Variants in PHEX observed in about 807,000 individuals in gnomAD.
PHEX encodes the protein phosphate regulating endopeptidase X-linked.
A neutral mutation model predicts 68.0 loss-of-function variants in PHEX; 16 were observed. That is an observed-to-expected ratio of 0.24 (90% confidence interval 0.16 to 0.36). The LOEUF (loss-of-function observed/expected upper bound fraction) is 0.36. Among genes scored for constraint, PHEX ranks in the 10% least tolerant of loss-of-function variants. The pLI is 1.00. For missense variants in PHEX, 480 were observed against 575.5 expected (o/e 0.83, Z 1.70); for synonymous variants, 208 against 205.1 (o/e 1.01, Z -0.12).
intron 16 of PHEX, among the ~76,000 whole-genome samples, chrX:22,214,893 T>C (rs1274172758): frequency 8.9e-6 from 1 of 112,141 alleles, no homozygotes; most frequent in Non-Finnish European, 1.9e-5. Flanking sequence ...CTCAGCTCCA[T>C]AGTTTTCTTT....
intron 20 of PHEX, among the ~76,000 whole-genome samples, chrX:22,233,276 G>A (rs958489685): frequency 2.8e-4 from 31 of 110,793 alleles, no homozygotes; most frequent in Non-Finnish European, 1.5e-4. Context: ...TGAATCTGAC[G>A]ATTATGTGTC....
At chrX:22,113,367 A>G (rs1010604551) in intron 10 of PHEX, among the ~76,000 whole-genome samples, 6 of 111,391 alleles carry the variant, frequency 5.4e-5, no homozygotes, top group Non-Finnish European at 1.1e-4. Context: ...TGGGTCTAAC[A>G]TTGTGCAAAG....
At position 22,206,665 on chromosome X, in the gene PHEX, T is replaced by C. The variant is rs146019519; in HGVS notation, c.1646-6239T>C. On this transcript the variant is annotated intron_variant, in intron 15 of 21. Coordinates refer to ENST00000379374, the MANE Select transcript of PHEX (RefSeq NM_000444.6). ...ACATACCTGAAGCGAGCCATACAGA[T>C]AGTGGCGGAAAGTAGGTTCTAGGTT... 5.3e-3 allele frequency among the ~76,000 whole-genome samples: 587 copies of C among 110,846 alleles called. 2 individuals are homozygous for C. The highest frequency in any genetic ancestry group is 0.017 in the African/African-American group (525 of 30,536).
At position 22,049,089 on chromosome X, in the gene PHEX, A is replaced by G. The variant is rs764658119; in HGVS notation, c.349+1878A>G. Reference sequence around the variant, plus strand: ...TATGCATTCCTCATAGACATAGATTATGTCAGTAGATAACTTTTCTTTTCT... The same window carrying G: ...TATGCATTCCTCATAGACATAGATTGTGTCAGTAGATAACTTTTCTTTTCT... On this transcript the variant is annotated intron_variant, in intron 3 of 21. Transcript: ENST00000379374. Among the ~76,000 whole-genome samples the G allele has an allele frequency of 9.2e-4, 103 of 112,277 alleles. No individual in the cohort carries two copies. In the Middle Eastern group the frequency reaches 0.014, roughly 15 times the overall value.
intron 9 of PHEX, among the ~76,000 whole-genome samples, chrX:22,107,536 C>G (rs1930757295): frequency 8.9e-6 from 1 of 111,905 alleles, no homozygotes; most frequent in Admixed American, 9.5e-5. Flanking sequence ...GTGTGGCTGG[C>G]CTTTCTGCCC....
At position 22,250,799 on chromosome X, in the gene PHEX, T is replaced by G. The variant is rs1936545925; in HGVS notation, c.*2846T>G. ...ATTTAGTGCCTTGCCTCAATGGAGC[T>G]TAAAGCATAGCACATAAATTTTATC... On this transcript the variant is annotated 3_prime_UTR_variant, in exon 22 of 22. Transcript: ENST00000379374. 8.9e-6 allele frequency: 1 copy of G among 111,932 alleles called. No individual in the cohort carries two copies. Among genetic ancestry groups the G allele is most frequent in the African/African-American group, 3.2e-5 (1 of 30,803 alleles). The allele number at this position is 111,932 out of a possible 1,213,427, so 9.2% of individuals were successfully genotyped here. A position where few individuals can be genotyped will look rare whatever the true frequency, so the allele number is the denominator to read the frequency against.
intron 3 of PHEX, among the ~76,000 whole-genome samples, chrX:22,075,879 A>G (rs775796954): frequency 1.5e-4 from 17 of 111,569 alleles, no homozygotes; most frequent in African/African-American, 5.2e-4. Flanking sequence ...AACTTCTTCC[A>G]TGTCCACAGC....
chrX:22,033,707 A>G (rs1327888856), intron 1 of PHEX, among the ~76,000 whole-genome samples: 9 of 112,175 alleles, frequency 8.0e-5, no homozygotes. Context: ...CCAAGATTTG[A>G]AAGATATTGT....
At chrX:22,231,972 TTGTTCTCAC>T (rs1935760613) in intron 20 of PHEX, among the ~76,000 whole-genome samples, 1 of 112,022 alleles carries the variant, frequency 8.9e-6, no homozygotes, top group East Asian at 2.8e-4. Flanking sequence ...CATTGTGTCT[TTGTTCTCAC>T]TGGTTTCAAA....
intron 11 of PHEX, among the ~76,000 whole-genome samples, chrX:22,120,395 G>T (rs1188105042): frequency 9.0e-6 from 1 of 111,537 alleles, no homozygotes; most frequent in East Asian, 2.8e-4. Context: ...AACCTTCTTA[G>T]TGGCTTATCT....
At chrX:22,134,004 C>T (rs1316534839) in intron 12 of PHEX, among the ~76,000 whole-genome samples, 2 of 111,542 alleles carry the variant, frequency 1.8e-5, no homozygotes, top group East Asian at 2.8e-4. Flanking sequence ...GACACCAAAA[C>T]GAAGAAAACC....
intron 15 of PHEX, among the ~76,000 whole-genome samples, chrX:22,211,578 C>T (rs1393811133): frequency 8.9e-6 from 1 of 112,266 alleles, no homozygotes; most frequent in African/African-American, 3.2e-5. Context: ...CTGAACAAAA[C>T]TCAACTGTTT....
chrX:22,122,969 G>T (rs985252475), intron 11 of PHEX, among the ~76,000 whole-genome samples: 11 of 106,938 alleles, frequency 1.0e-4, no homozygotes, highest in Non-Finnish European at 1.3e-4. Context: ...TACAGACTAG[G>T]GAGATAGGGT....
At chrX:22,072,420 G>A (rs11798644) in intron 3 of PHEX, among the ~76,000 whole-genome samples, 5 of 110,409 alleles carry the variant, frequency 4.5e-5, no homozygotes, top group Non-Finnish European at 5.7e-5. Context: ...CAAAAAAAAA[G>A]AAAAATAAAA....
intron 12 of PHEX, among the ~76,000 whole-genome samples, chrX:22,154,264 A>G (rs936085647): frequency 8.9e-6 from 1 of 111,985 alleles, no homozygotes; most frequent in East Asian, 2.8e-4. Flanking sequence ...AGTGGTGACT[A>G]TTAGTGAAAT....
intron 3 of PHEX, among the ~76,000 whole-genome samples, chrX:22,072,089 A>C (rs1317456932): frequency 8.9e-6 from 1 of 112,758 alleles, no homozygotes; most frequent in Admixed American, 9.4e-5. Context: ...TTAGCTGGGC[A>C]TGGTGGCGCA....
At chrX:22,140,858 T>TC (rs1341718255) in intron 12 of PHEX, among the ~76,000 whole-genome samples, 1 of 111,459 alleles carries the variant, frequency 9.0e-6, no homozygotes, top group East Asian at 2.8e-4. Context: ...GACTGGATGT[T>TC]CTAAATGCTT....
chrX:22,110,811 T>C (rs1255866381), intron 9 of PHEX, among the ~76,000 whole-genome samples: 1 of 112,183 alleles, frequency 8.9e-6, no homozygotes. Flanking sequence ...GTTATTCTAG[T>C]TCAGGGTTGC....
chrX:22,247,440 G>A (rs1936422313), intron 21 of PHEX, among the ~76,000 whole-genome samples: 1 of 111,946 alleles, frequency 8.9e-6, no homozygotes, highest in South Asian at 3.7e-4. Flanking sequence ...ACAGGCAGGA[G>A]CCTTCTGGGT....
Sources: gnomAD v4.1 joint callset for allele counts (sites outside exome capture counted in the v4.1 genomes callset) on GRCh38, gnomAD v4.1.1 for gene constraint, MANE v1.5 for transcripts, NCBI Gene and HGNC (gene_info 2026-07-23, HGNC 2026-07-21) for gene names.